Variants in PRR27 observed in about 807,000 individuals in gnomAD.
PRR27 encodes proline-rich protein 27.
In PRR27, 12 loss-of-function variants were observed where a neutral mutation model predicts 16.8. The ratio of observed to expected loss-of-function variants is 0.71; its 90% CI spans 0.46 to 1.16. The LOEUF (loss-of-function observed/expected upper bound fraction) is 1.16. Ranked by LOEUF, PRR27 falls within the 50% of genes most tolerant of loss-of-function variation. PRR27 has a pLI of 0.00. For synonymous variants in PRR27, 100 were observed against 98.4 expected (o/e 1.02, Z -0.10); for missense variants, 277 against 273.3 (o/e 1.01, Z -0.10).
chr4:70,160,768 G>A (rs1458412281), intron 3 of PRR27, among the ~76,000 whole-genome samples: 1 of 151,602 alleles, frequency 6.6e-6, no homozygotes, highest in Non-Finnish European at 1.5e-5. Context: ...GTAAGAAGCA[G>A]CTAGTCCCTA....
At chr4:70,155,948 A>T in intron 1 of PRR27, 106 bp from the exon 2 acceptor site, 1 of 668,970 alleles carries the variant, frequency 1.5e-6, no homozygotes, top group South Asian at 1.9e-5. Context: ...AAAAAAATTA[A>T]CCATAAGTAT....
At chr4:70,162,541 T>A (rs1728672507) in intron 4 of PRR27, among the ~76,000 whole-genome samples, 154 bp from the exon 5 acceptor site, 1 of 152,200 alleles carries the variant, frequency 6.6e-6, no homozygotes, top group Non-Finnish European at 1.5e-5. Context: ...TTGTATTTAG[T>A]ATTTTGCCAA....
Position 70,155,953 on chromosome 4 carries a change from A to C in PRR27, c.52-101A>C, listed in dbSNP as rs183563931. The C allele has an allele frequency of 1.3e-5, 9 of 687,580 alleles. No homozygotes were observed. The Admixed American group carries it at 2.5e-4, about 19-fold the overall frequency. 42.6% of individuals were successfully genotyped at this position (687,580 alleles called of 1,614,324 possible). On this transcript the variant is annotated intron_variant, in intron 1 of 4. Transcript: ENST00000344526. ...CTCAAATTTCAAAAAAATTAACCAT[A>C]AGTATTATTAAGCTTTGCAAATTTT...
chr4:70,161,179 T>TATATATATATATATATATATAC (rs527588905), intron 3 of PRR27, among the ~76,000 whole-genome samples: 26 of 107,676 alleles, frequency 2.4e-4, no homozygotes, highest in African/African-American at 7.6e-4. Context: ...TATATATATA[T>TATATATATATATATATATATAC]ACACACATAC....
At chr4:70,161,525 T>C in intron 3 of PRR27, 61 bp from the exon 4 acceptor site, 2 of 1,087,050 alleles carry the variant, frequency 1.8e-6, no homozygotes, top group Admixed American at 4.0e-5. Context: ...ATAGGCCCAA[T>C]ACTATGAAAT....
At chr4:70,159,020 C>A in intron 3 of PRR27, 120 bp downstream of exon 3, 1 of 882,250 alleles carries the variant, frequency 1.1e-6, no homozygotes, top group Non-Finnish European at 1.7e-6. Context: ...CAGCTTTATT[C>A]AGATACAATT....
intron 3 of PRR27, among the ~76,000 whole-genome samples, chr4:70,161,026 T>C (rs1379247166): frequency 6.6e-6 from 1 of 151,734 alleles, no homozygotes; most frequent in Non-Finnish European, 1.5e-5. Flanking sequence ...CAATGGTGTT[T>C]GCAGCTTCTC....
In PRR27 at chr4:70,158,625, G is replaced by C; in HGVS notation, c.373G>C (p.Ala125Pro). ...SRFFSAAAAP[A>P]APPIAAEPAA... is the part of the protein sequence containing the mutation. ...GTTTTTTTCAGCAGCTGCAGCACCC[G>C]CTGCCCCACCTATTGCAGCTGAGCC... The change falls in exon 3 of 5, where the codon GCT (alanine) becomes CCT (proline). Residue 125 changes from alanine to proline, a missense_variant. Coordinates refer to ENST00000344526, the MANE Select transcript of PRR27 (RefSeq NM_214711.4). 3 of 1,613,924 alleles carry C rather than the reference G, an allele frequency of 1.9e-6. No individual in the cohort carries two copies. In the South Asian group the frequency reaches 3.3e-5, roughly 18 times the overall value.
Position 70,165,680 on chromosome 4 carries a change from A to C in PRR27, c.*3019A>C, listed in dbSNP as rs1158267256. 1.3e-5 allele frequency: 2 copies of C among 152,106 alleles called. No homozygotes were observed. Among genetic ancestry groups the C allele is most frequent in the Non-Finnish European group, 2.9e-5 (2 of 67,972 alleles). The allele number at this position is 152,106 out of a possible 1,614,324, so 9.4% of individuals were successfully genotyped here. A position where few individuals can be genotyped will look rare whatever the true frequency, so the allele number is the denominator to read the frequency against. ...TTTGCAGAGTTTTGTATGTGTGTTT[A>C]TATCCATCTTACATAATTCTTTACT... On this transcript the variant is annotated 3_prime_UTR_variant, in exon 5 of 5. Transcript: ENST00000344526.
chr4:70,156,828 G>A (rs944378207), intron 2 of PRR27, among the ~76,000 whole-genome samples: 1 of 152,002 alleles, frequency 6.6e-6, no homozygotes, highest in Non-Finnish European at 1.5e-5. Context: ...AAATCTTTTG[G>A]AAATAATGTT....
intron 3 of PRR27, among the ~76,000 whole-genome samples, chr4:70,160,429 C>G (rs1250264232): frequency 4.2e-5 from 3 of 70,806 alleles, no homozygotes; most frequent in Non-Finnish European, 3.3e-5. Context: ...CTCTCTCTCT[C>G]TCTCTCTCTC....
intron 3 of PRR27, among the ~76,000 whole-genome samples, chr4:70,159,685 A>C (rs1334904447): frequency 6.6e-6 from 1 of 152,214 alleles, no homozygotes; most frequent in Non-Finnish European, 1.5e-5. Flanking sequence ...GTACACACAT[A>C]TATGTGTGTA....
chr4:70,155,059 G>GTAC (rs1259247896), intron 1 of PRR27, among the ~76,000 whole-genome samples: 13 of 152,062 alleles, frequency 8.5e-5, no homozygotes, highest in Admixed American at 3.3e-4. Flanking sequence ...TATATAAAGT[G>GTAC]CTTAGCAGAG....
At chr4:70,162,525 T>TA (rs1374373142) in intron 4 of PRR27, among the ~76,000 whole-genome samples, 170 bp from the exon 5 acceptor site, 1 of 17,566 alleles carries the variant, frequency 5.7e-5, no homozygotes, top group Non-Finnish European at 4.4e-4. Context: ...ATATATTCTG[T>TA]AGCATTTGTA....
chr4:70,165,443 C>T lies in PRR27; in HGVS notation c.*2782C>T, dbSNP rs1366407549. ...CATCACTGCATGTATTGTTTAATGT[C>T]GCTTTATGAATCCACCTTCTTCCTT... On this transcript the variant is annotated 3_prime_UTR_variant, in exon 5 of 5. Transcript: ENST00000344526. 2.0e-5 allele frequency: 3 copies of T among 152,008 alleles called. No homozygotes were observed. The highest frequency in any genetic ancestry group is 4.4e-5 in the Non-Finnish European group (3 of 67,942). 9.4% of individuals were successfully genotyped at this position (152,008 alleles called of 1,614,324 possible). A position where few individuals can be genotyped will look rare whatever the true frequency, so the allele number is the denominator to read the frequency against.
intron 4 of PRR27, among the ~76,000 whole-genome samples, chr4:70,161,938 G>A (rs1246192879): frequency 6.6e-6 from 1 of 152,106 alleles, no homozygotes; most frequent in African/African-American, 2.4e-5. Context: ...GGGAAAAGAG[G>A]GTTGGACTAT....
rs1728715073 is a variant in PRR27 at position 70,164,219 on chromosome 4, A to ACTTT, written c.*1559_*1562dup. 1.3e-5 allele frequency: 2 copies of ACTTT among 152,166 alleles called. No homozygotes were observed. Among genetic ancestry groups the ACTTT allele is most frequent in the Admixed American group, 1.3e-4 (2 of 15,268 alleles). 9.4% of individuals were successfully genotyped at this position (152,166 alleles called of 1,614,324 possible). On this transcript the variant is annotated 3_prime_UTR_variant, in exon 5 of 5. Transcript: ENST00000344526. ...CAGGCATTTCTGTGTCTTATTCAGC[A>ACTTT]CTTTATCAGGGCCTATAACAATGCC...
intron 2 of PRR27, among the ~76,000 whole-genome samples, chr4:70,157,099 C>T (rs1728499928): frequency 6.6e-6 from 1 of 152,040 alleles, no homozygotes; most frequent in Non-Finnish European, 1.5e-5. Context: ...ACATATATTA[C>T]TTATGTATAT....
intron 1 of PRR27, among the ~76,000 whole-genome samples, chr4:70,155,039 A>G (rs1728444238): frequency 6.6e-6 from 1 of 152,190 alleles, no homozygotes; most frequent in South Asian, 2.1e-4. Flanking sequence ...TAAAGATTTT[A>G]TAAGGTAATT....
Sources: gnomAD v4.1 joint callset for allele counts (sites outside exome capture counted in the v4.1 genomes callset) on GRCh38, gnomAD v4.1.1 for gene constraint, MANE v1.5 for transcripts, NCBI Gene and HGNC (gene_info 2026-07-23, HGNC 2026-07-21) for gene names.